IL6ST: variants seen among roughly 807,000 people sequenced by gnomAD.
The protein encoded by IL6ST is interleukin 6 cytokine family signal transducer.
In IL6ST, 24 loss-of-function variants were observed where a neutral mutation model predicts 91.3. That is an observed-to-expected ratio of 0.26 (90% confidence interval 0.19 to 0.37). The LOEUF is 0.37. Ranked by LOEUF, IL6ST falls within the 10% of genes least tolerant of loss-of-function variation. The pLI, the probability that IL6ST is intolerant of heterozygous loss-of-function variation, is 1.00. For missense variants in IL6ST, 914 were observed against 1,078.5 expected, an observed-to-expected ratio of 0.85 and a Z score of 2.14; for synonymous variants, 351 against 373.6, an observed-to-expected ratio of 0.94 and a Z score of 0.70.
chr5:55,964,080 A>G, intron 6 of IL6ST, 66 bp downstream of exon 6: 2 of 774,536 alleles, frequency 2.6e-6, no homozygotes, highest in Non-Finnish European at 3.8e-6. Flanking sequence ...TCTAAATATA[A>G]AAACTACTTT....
In IL6ST at chr5:55,968,406, A is replaced by G; in HGVS notation, c.371-10T>C. On this transcript the variant is annotated splice_polypyrimidine_tract_variant and intron_variant, in intron 4 of 16. Transcript: ENST00000381298. ...GGTTTTTCTGGAGGCACTAAAAGGG[A>G]TTAATTAGCATCTTTCAGAAAGCTT... The G allele has an allele frequency of 1.2e-6, 2 of 1,609,318 alleles. No homozygotes were observed. Among genetic ancestry groups the G allele is most frequent in the Non-Finnish European group, 1.7e-6 (2 of 1,177,926 alleles).
At chr5:55,957,432 C>A in intron 8 of IL6ST, 141 bp from the exon 9 acceptor site, 1 of 474,104 alleles carries the variant, frequency 2.1e-6, no homozygotes, top group East Asian at 3.7e-5. Flanking sequence ...CAGCATTTTC[C>A]CAACCCAGCA....
In IL6ST at chr5:55,945,648, CTTTTTTTT is replaced by C. The variant is rs70995749; in HGVS notation, c.1937+1837_1937+1844del. On this transcript the variant is annotated intron_variant, in intron 15 of 16. Transcript: ENST00000381298. ...ACTTCATCAAAATAAAAAACTTATG[CTTTTTTTT>C]TTTTTTTTTTTTTTTTTTTTCAGAC... 5.1e-3 allele frequency among the ~76,000 whole-genome samples: 214 copies of C among 41,666 alleles called. 1 individual carries two copies. The highest frequency in any genetic ancestry group is 0.02 in the African/African-American group (203 of 10,004). 27.3% of individuals were successfully genotyped at this position (41,666 alleles called of 152,430 possible). A position where few individuals can be genotyped will look rare whatever the true frequency, so the allele number is the denominator to read the frequency against.
chr5:55,954,457 C>G (rs1268378219), intron 11 of IL6ST, among the ~76,000 whole-genome samples: 1 of 152,152 alleles, frequency 6.6e-6, no homozygotes, highest in Non-Finnish European at 1.5e-5. Context: ...TCCAGATGCT[C>G]TAGGAAACTA....
At chr5:55,947,955 G>A (rs1049250535) in intron 14 of IL6ST, among the ~76,000 whole-genome samples, 2 of 152,120 alleles carry the variant, frequency 1.3e-5, no homozygotes, top group African/African-American at 2.4e-5. Context: ...TTATCTCTGA[G>A]TTCTAATACT....
At chr5:55,954,679 C>A in intron 11 of IL6ST, 131 bp downstream of exon 11, 2 of 610,332 alleles carry the variant, frequency 3.3e-6, no homozygotes, top group South Asian at 4.8e-5. Flanking sequence ...GAAAGTCACA[C>A]ATCTAGTAAG....
At chr5:55,942,642 T>C in intron 16 of IL6ST, 28 bp downstream of exon 16, 1 of 1,291,424 alleles carries the variant, frequency 7.7e-7, no homozygotes, top group Non-Finnish European at 1.1e-6. Context: ...CTGTATATTA[T>C]AAACAACTCA....
chr5:55,964,439 G>C (rs1752522916), intron 5 of IL6ST, 127 bp from the exon 6 acceptor site: 1 of 546,200 alleles, frequency 1.8e-6, no homozygotes, highest in African/African-American at 2.0e-5. Flanking sequence ...TATAACTGCT[G>C]GTCACTAACA....
intron 9 of IL6ST, 41 bp from the exon 10 acceptor site, chr5:55,956,276 T>A (rs779266046): frequency 1.7e-6 from 2 of 1,190,716 alleles, no homozygotes; most frequent in Middle Eastern, 5.7e-4. Context: ...ATCTCATAAA[T>A]CTTGAATAAA....
rs975225949 is a variant in IL6ST, at chr5:55,958,298, G to A, written c.974-1007C>T. Among the ~76,000 whole-genome samples, 66 of 151,898 alleles carry A rather than the reference G, an allele frequency of 4.3e-4. 2 individuals carry two copies. Among genetic ancestry groups the A allele is most frequent in the Middle Eastern group, 3.4e-3 (1 of 294 alleles). On this transcript the variant is annotated intron_variant, in intron 8 of 16. Coordinates refer to ENST00000381298, the MANE Select transcript of IL6ST (RefSeq NM_002184.4). ...TTGTTAAATACCAGTAATTAAATTC[G>A]GTTTTAAAAATACCTGTAGTATTAA... is the stretch of plus-strand genomic sequence containing the variant.
intron 3 of IL6ST, among the ~76,000 whole-genome samples, chr5:55,971,601 T>A (rs1002722602): frequency 1.3e-5 from 2 of 152,120 alleles, no homozygotes; most frequent in African/African-American, 4.8e-5. Flanking sequence ...ACCCATGAAG[T>A]GTTTTTGAGA....
rs575355954 is a variant in IL6ST at position 55,935,489 on chromosome 5, G to C, written c.*5593C>G. 2.0e-4 allele frequency: 41 copies of C among 207,860 alleles called. No homozygotes were observed. The highest frequency in any genetic ancestry group is 9.6e-4 in the African/African-American group (41 of 42,884). 12.9% of individuals were successfully genotyped at this position (207,860 alleles called of 1,614,324 possible). A position where few individuals can be genotyped will look rare whatever the true frequency, so the allele number is the denominator to read the frequency against. On this transcript the variant is annotated 3_prime_UTR_variant, in exon 17 of 17. Transcript: ENST00000381298. ...TTGATGGAGACAGAACTTTTCTATG[G>C]AGAACCCAAGCAGCCTTTCCATGAT...
chr5:55,944,280 A>G (rs1580784902), intron 15 of IL6ST, among the ~76,000 whole-genome samples: 1 of 152,334 alleles, frequency 6.6e-6, no homozygotes, highest in East Asian at 1.9e-4. Context: ...TAGAACAACT[A>G]TAATTACTCC....
chr5:55,980,076 C>A (rs1311951316), intron 2 of IL6ST, among the ~76,000 whole-genome samples: 2 of 152,256 alleles, frequency 1.3e-5, no homozygotes, highest in African/African-American at 4.8e-5. Context: ...ACAAAACACA[C>A]ATTCGTTTTT....
chr5:55,951,636 C>T (rs1330888198), intron 13 of IL6ST, 32 bp from the exon 14 acceptor site: 2 of 1,584,154 alleles, frequency 1.3e-6, no homozygotes, highest in Non-Finnish European at 1.7e-6. Context: ...CTTCATTCAA[C>T]TATTCAATGC....
chr5:55,977,670 AC>A (rs1370714370), intron 2 of IL6ST, among the ~76,000 whole-genome samples: 2 of 152,160 alleles, frequency 1.3e-5, no homozygotes, highest in Non-Finnish European at 2.9e-5. Context: ...TATTAAAAAT[AC>A]AAAAAGTAGC....
rs1974844 is a variant in IL6ST at position 55,944,717 on chromosome 5, G to A, written c.1938-1966C>T. ...CTGAAGCGCAAAAGAAGAAAGATGA[G>A]GCAGAGGTCCAAGTAAACCGCTAGC... On this transcript the variant is annotated intron_variant, in intron 15 of 16. Coordinates refer to ENST00000381298, the MANE Select transcript of IL6ST (RefSeq NM_002184.4). The A allele has an allele frequency of 0.012, 12,211 of 1,004,858 alleles. 1,021 individuals are homozygous for A. The African/African-American group carries it at 0.17, about 14-fold the overall frequency. 62.2% of individuals were successfully genotyped at this position (1,004,858 alleles called of 1,614,324 possible).
At chr5:55,944,819 T>G in intron 15 of IL6ST, 1 of 648,124 alleles carries the variant, frequency 1.5e-6, no homozygotes, top group Non-Finnish European at 2.8e-6. Flanking sequence ...GTTGTGGGAC[T>G]GCATGCTACT....
rs1412931805 is a variant in IL6ST at position 55,955,934 on chromosome 5, T to G, written c.1267+91A>C. On this transcript the variant is annotated intron_variant, in intron 10 of 16. Transcript: ENST00000381298. ...TATCCCTGATACTGAGGAGACAGTC[T>G]TAGATAACTTGTGTTTTTTATGGGA... 3.2e-5 allele frequency: 24 copies of G among 754,666 alleles called. No individual in the cohort carries two copies. In the East Asian group the frequency reaches 3.2e-4, roughly 10 times the overall value. The allele number at this position is 754,666 out of a possible 1,614,324, so 46.7% of individuals were successfully genotyped here.
Sources: gnomAD v4.1 joint callset for allele counts (sites outside exome capture counted in the v4.1 genomes callset) on GRCh38, gnomAD v4.1.1 for gene constraint, MANE v1.5 for transcripts, NCBI Gene and HGNC (gene_info 2026-07-23, HGNC 2026-07-21) for gene names.